GRIN3A: variants seen among roughly 807,000 people sequenced by gnomAD.
GRIN3A encodes the protein glutamate ionotropic receptor NMDA type subunit 3A.
GRIN3A carries 47 observed loss-of-function variants against 92.4 expected under a neutral mutation model. That is an observed-to-expected ratio of 0.51 (90% CI 0.40 to 0.65). The LOEUF (loss-of-function observed/expected upper bound fraction) is 0.65. GRIN3A is among the 30% of genes least tolerant of loss of function. The pLI, the probability that GRIN3A is intolerant of heterozygous loss-of-function variation, is 0.00. For missense variants in GRIN3A, 1,324 were observed against 1,393.1 expected (o/e 0.95, Z 0.79); for synonymous variants, 527 against 540.6 (o/e 0.97, Z 0.35).
chr9:101,607,113 T>G (rs1162775718), intron 6 of GRIN3A, among the ~76,000 whole-genome samples: 1 of 151,342 alleles, frequency 6.6e-6, no homozygotes, highest in Non-Finnish European at 1.5e-5. Flanking sequence ...GGACCTGCAA[T>G]TTCCTAAGTG....
intron 6 of GRIN3A, chr9:101,594,896 G>A: frequency 6.2e-7 from 1 of 1,600,214 alleles, no homozygotes; most frequent in Non-Finnish European, 8.5e-7. Context: ...GCACATCTCC[G>A]CCGGGTAACT....
chr9:101,683,428 G>A (rs1397384563), intron 2 of GRIN3A, among the ~76,000 whole-genome samples: 1 of 152,126 alleles, frequency 6.6e-6, no homozygotes, highest in Non-Finnish European at 1.5e-5. Context: ...GTGACTTATG[G>A]ACTGAGAATA....
chr9:101,624,416 T>C (rs563520243), intron 4 of GRIN3A, among the ~76,000 whole-genome samples: 1 of 129,946 alleles, frequency 7.7e-6, no homozygotes, highest in African/African-American at 2.9e-5. Flanking sequence ...GATGTTCCCC[T>C]TCCTGTGTCC....
chr9:101,655,669 G>A lies in GRIN3A; in HGVS notation c.2352+14391C>T, dbSNP rs188875510. Among the ~76,000 whole-genome samples the A allele has an allele frequency of 2.0e-5, 3 of 152,034 alleles. No individual in the cohort carries two copies. In the East Asian group the frequency reaches 5.9e-4, roughly 30 times the overall value. ...CTTGGAAAAATCACTTAACTCCTCT[G>A]AGCCTCAGTCTCCTCCAACAGCAGA... is the stretch of plus-strand genomic sequence containing the variant. On this transcript the variant is annotated intron_variant, in intron 3 of 8. Transcript: ENST00000361820.
rs766501736 is a variant in GRIN3A at position 101,737,515 on chromosome 9, C to T, written c.465G>A (p.Glu155=). The change falls in exon 1 of 9, where the codon GAG becomes GAA. Residue 155 remains glutamate (E), a synonymous_variant. Coordinates refer to ENST00000361820, the MANE Select transcript of GRIN3A (RefSeq NM_133445.3). ...AAAGTGGCAGATCGCCCAGGCCTGC[C>T]TCGATGGCCATCACTACTTCCAAAG... The part of the protein sequence containing the change: ...NLSLEVVMAI[E]AGLGDLPLLP... The T allele has an allele frequency of 4.5e-5, 73 of 1,614,134 alleles. No homozygotes were observed. The highest frequency in any genetic ancestry group is 5.5e-5 in the Non-Finnish European group (65 of 1,180,050).
intron 1 of GRIN3A, among the ~76,000 whole-genome samples, chr9:101,730,217 T>C (rs1830121884): frequency 6.6e-6 from 1 of 152,170 alleles, no homozygotes; most frequent in South Asian, 2.1e-4. Context: ...GAACCAGAAC[T>C]CTAAGTGGGA....
In GRIN3A at chr9:101,724,461, C is replaced by G. The variant is rs372965118; in HGVS notation, c.699+12820G>C. ...CCCAGAACTCCAGCTGACCTGCGCG[C>G]GCAGCCCTGGTTCCCGCTCGCGCCT... is the stretch of plus-strand genomic sequence containing the variant. On this transcript the variant is annotated intron_variant, in intron 1 of 8. Transcript: ENST00000361820. Among the ~76,000 whole-genome samples the G allele has an allele frequency of 1.4e-4, 21 of 152,274 alleles. No homozygotes were observed. The East Asian group carries it at 3.9e-3, about 28-fold the overall frequency.
chr9:101,725,995 A>G (rs753415634), intron 1 of GRIN3A, among the ~76,000 whole-genome samples: 1 of 152,086 alleles, frequency 6.6e-6, no homozygotes, highest in African/African-American at 2.4e-5. Context: ...ATTTGTTTGC[A>G]TGTCTTATTT....
At chr9:101,665,960 C>A (rs1829231794) in intron 3 of GRIN3A, among the ~76,000 whole-genome samples, 1 of 151,862 alleles carries the variant, frequency 6.6e-6, no homozygotes, top group Non-Finnish European at 1.5e-5. Flanking sequence ...CTATTTTTTT[C>A]TGATAACCAC....
intron 3 of GRIN3A, among the ~76,000 whole-genome samples, chr9:101,632,147 A>G (rs537465634): frequency 6.6e-6 from 1 of 152,288 alleles, no homozygotes; most frequent in South Asian, 2.1e-4. Context: ...TCTTGCATAT[A>G]GTCTTCAGTC....
At chr9:101,592,007 C>T (rs1000079271) in intron 6 of GRIN3A, 2 of 152,204 alleles carry the variant, frequency 1.3e-5, no homozygotes, top group African/African-American at 2.4e-5. Context: ...TAATGCCTCT[C>T]TTTAATGACA....
intron 6 of GRIN3A, among the ~76,000 whole-genome samples, chr9:101,605,420 G>C (rs769066256): frequency 2.0e-5 from 3 of 152,022 alleles, no homozygotes; most frequent in Non-Finnish European, 4.4e-5. Flanking sequence ...ACATTTTGAT[G>C]TGGATGTTTT....
Position 101,573,031 on chromosome 9 carries a change from C to G in GRIN3A, c.*143G>C, listed in dbSNP as rs556006992. The G allele has an allele frequency of 1.4e-6, 1 of 709,742 alleles. No homozygotes were observed. The highest frequency in any genetic ancestry group is 1.7e-5 in the African/African-American group (1 of 57,360). 44.0% of individuals were successfully genotyped at this position (709,742 alleles called of 1,614,324 possible). ...AGAGGAGCTGCTGCTGCACTTTAGGCGAGGGAGAGCAGACTTGACCTTTAA... is the reference window on the plus strand; with the variant it reads ...AGAGGAGCTGCTGCTGCACTTTAGGGGAGGGAGAGCAGACTTGACCTTTAA... On this transcript the variant is annotated 3_prime_UTR_variant, in exon 9 of 9. Transcript: ENST00000361820.
chr9:101,618,494 G>T (rs988692306), intron 5 of GRIN3A, among the ~76,000 whole-genome samples: 8 of 152,124 alleles, frequency 5.3e-5, no homozygotes, highest in African/African-American at 1.9e-4. Context: ...AAACCACAAT[G>T]ACATACCATC....
intron 6 of GRIN3A, among the ~76,000 whole-genome samples, chr9:101,589,954 C>T (rs1828000403): frequency 6.6e-6 from 1 of 152,168 alleles, no homozygotes; most frequent in African/African-American, 2.4e-5. Context: ...CAATAAAAAG[C>T]TACCTCCATA....
At chr9:101,649,901 G>A (rs1828990679) in intron 3 of GRIN3A, among the ~76,000 whole-genome samples, 1 of 151,994 alleles carries the variant, frequency 6.6e-6, no homozygotes, top group Non-Finnish European at 1.5e-5. Context: ...AGTGCATTTT[G>A]TCTGTTTTGT....
intron 3 of GRIN3A, among the ~76,000 whole-genome samples, chr9:101,667,323 T>C (rs1829252769): frequency 6.6e-6 from 1 of 151,946 alleles, no homozygotes; most frequent in South Asian, 2.1e-4. Flanking sequence ...TCACTTAGGA[T>C]GTCCATTTCT....
intron 1 of GRIN3A, among the ~76,000 whole-genome samples, chr9:101,703,633 G>A (rs758153406): frequency 1.3e-5 from 2 of 152,150 alleles, no homozygotes; most frequent in Non-Finnish European, 2.9e-5. Flanking sequence ...CTAGGAAAAC[G>A]TTCAGTGGCA....
intron 5 of GRIN3A, among the ~76,000 whole-genome samples, chr9:101,619,808 T>G (rs1260511079): frequency 1.3e-5 from 2 of 152,252 alleles, no homozygotes; most frequent in African/African-American, 2.4e-5. Context: ...TATTGTCAGC[T>G]AACTCCAATG....
Sources: allele counts gnomAD v4.1 joint callset (sites outside exome capture counted in the v4.1 genomes callset), GRCh38; gene constraint gnomAD v4.1.1; transcripts MANE v1.5; gene names NCBI Gene and HGNC (gene_info 2026-07-23, HGNC 2026-07-21).